The following DENND1B variants were observed in gnomAD, a reference collection of about 807,000 sequenced individuals.
DENND1B encodes DENN domain-containing protein 1B.
A neutral mutation model predicts 90.1 loss-of-function variants in DENND1B; 59 were observed. The observed-to-expected ratio is 0.65, with a 90% CI of 0.53 to 0.81. The LOEUF (loss-of-function observed/expected upper bound fraction) is 0.81. Ranked by LOEUF, DENND1B falls within the 40% of genes least tolerant of loss-of-function variation. The pLI, the probability that DENND1B is intolerant of heterozygous loss-of-function variation, is 0.00. For missense variants in DENND1B, 862 were observed against 912.6 expected, an observed-to-expected ratio of 0.94 and a Z score of 0.71; for synonymous variants, 337 against 324.6, an observed-to-expected ratio of 1.04 and a Z score of -0.41.
chr1:197,699,908 G>A (rs547391905), intron 3 of DENND1B, among the ~76,000 whole-genome samples: 6 of 152,176 alleles, frequency 3.9e-5, no homozygotes, highest in East Asian at 1.9e-4. Flanking sequence ...AACAAGGGAC[G>A]TGAAGGACCT....
chr1:197,570,069 A>G (rs1308362604), intron 15 of DENND1B, among the ~76,000 whole-genome samples: 2 of 152,078 alleles, frequency 1.3e-5, no homozygotes, highest in African/African-American at 4.8e-5. Flanking sequence ...ATCATGTTAT[A>G]TATCATAAAT....
intron 10 of DENND1B, among the ~76,000 whole-genome samples, chr1:197,631,585 G>C (rs1358777756): frequency 6.6e-6 from 1 of 151,740 alleles, no homozygotes; most frequent in Non-Finnish European, 1.5e-5. Flanking sequence ...CTTTCACCCA[G>C]AACAAAATAA....
rs1373393618 is a variant in DENND1B, at chr1:197,505,488, CTTCA to C, written c.*4968_*4971del. Reference sequence around the variant, plus strand: ...TAAAATAAAAGATTGAATAACTTTACTTCATTCAACTAAAATGTGGCTTGAAAAA... The same window carrying C: ...TAAAATAAAAGATTGAATAACTTTACTTCAACTAAAATGTGGCTTGAAAAA... On this transcript the variant is annotated 3_prime_UTR_variant, in exon 23 of 23. Coordinates refer to ENST00000620048, the MANE Select transcript of DENND1B (RefSeq NM_001195215.2). The C allele has an allele frequency of 6.6e-6, 1 of 151,222 alleles. No homozygotes were observed. Among genetic ancestry groups the C allele is most frequent in the African/African-American group, 2.4e-5 (1 of 41,242 alleles). 9.4% of individuals were successfully genotyped at this position (151,222 alleles called of 1,614,324 possible). A position where few individuals can be genotyped will look rare whatever the true frequency, so the allele number is the denominator to read the frequency against.
chr1:197,743,941 A>G (rs1290589140), intron 2 of DENND1B, among the ~76,000 whole-genome samples: 2 of 152,216 alleles, frequency 1.3e-5, no homozygotes, highest in African/African-American at 2.4e-5. Context: ...AGTAGATTCC[A>G]TCTTAAGAAA....
intron 13 of DENND1B, chr1:197,605,842 C>A (rs889595905): frequency 1.1e-4 from 16 of 151,018 alleles, no homozygotes; most frequent in Admixed American, 1.1e-3. Flanking sequence ...GTATTATGGG[C>A]ATAAATAATC....
chr1:197,739,358 G>T (rs1663002740), intron 2 of DENND1B, among the ~76,000 whole-genome samples: 1 of 152,070 alleles, frequency 6.6e-6, no homozygotes, highest in African/African-American at 2.4e-5. Flanking sequence ...AGTGCATATG[G>T]GACATATACG....
At chr1:197,577,245 A>T (rs886719917) in intron 15 of DENND1B, among the ~76,000 whole-genome samples, 1 of 152,110 alleles carries the variant, frequency 6.6e-6, no homozygotes, top group Non-Finnish European at 1.5e-5. Flanking sequence ...GAGATGATTG[A>T]CCTAAGGGTT....
rs1251476808 is a variant in DENND1B, at chr1:197,509,481, CAG to C, written c.*977_*978del. On this transcript the variant is annotated 3_prime_UTR_variant, in exon 23 of 23. Transcript: ENST00000620048. ...CCATAGTAACGTAAGATGTTAGTAA[CAG>C]GGGTAGATGGGAACTCTCTGTACTA... The C allele has an allele frequency of 2.6e-5, 4 of 151,824 alleles. No homozygotes were observed. Among genetic ancestry groups the C allele is most frequent in the East Asian group, 1.9e-4 (1 of 5,134 alleles). The allele number at this position is 151,824 out of a possible 1,614,324, so 9.4% of individuals were successfully genotyped here.
At chr1:197,674,422 C>T (rs1040395245) in intron 3 of DENND1B, among the ~76,000 whole-genome samples, 1 of 152,184 alleles carries the variant, frequency 6.6e-6, no homozygotes, top group African/African-American at 2.4e-5. Context: ...ACACCCTTCA[C>T]ATCCCCGCTG....
At chr1:197,778,221 G>A (rs1004478408), upstream of DENND1B, among the ~76,000 whole-genome samples, 1 of 152,048 alleles carries the variant, frequency 6.6e-6, no homozygotes, top group African/African-American at 2.4e-5. Context: ...AATAGTATTT[G>A]TCTGATGTTA....
At chr1:197,567,110 C>CTT (rs1490753661) in intron 15 of DENND1B, among the ~76,000 whole-genome samples, 2 of 151,834 alleles carry the variant, frequency 1.3e-5, no homozygotes, top group Non-Finnish European at 2.9e-5. Context: ...ACTGACAAAC[C>CTT]TTTAGCTGGT....
At chr1:197,615,239 G>T (rs943658589) in intron 11 of DENND1B, among the ~76,000 whole-genome samples, 5 of 151,220 alleles carry the variant, frequency 3.3e-5, no homozygotes, top group African/African-American at 1.2e-4. Flanking sequence ...TCACAGCTTG[G>T]CAAATATTAA....
rs746451861 is a variant in DENND1B, at chr1:197,607,050, C to T, written c.921+23G>A. 3.9e-6 allele frequency: 6 copies of T among 1,538,910 alleles called. No homozygotes were observed. In the Admixed American group the frequency reaches 1.0e-4, roughly 26 times the overall value. On this transcript the variant is annotated intron_variant, in intron 13 of 22. Transcript: ENST00000620048. ...TCCAGGAGAAAACATATATGTTCAC[C>T]ACTGAATAGCCTTCATACTTACCAC...
At chr1:197,620,362 C>T (rs999981157) in intron 10 of DENND1B, among the ~76,000 whole-genome samples, 3 of 151,248 alleles carry the variant, frequency 2.0e-5, no homozygotes, top group African/African-American at 7.3e-5. Context: ...GCTCTGCCAC[C>T]AACAAGCCAT....
chr1:197,647,223 A>C (rs1680800639), intron 7 of DENND1B, 109 bp from the exon 8 acceptor site: 2 of 551,142 alleles, frequency 3.6e-6, no homozygotes, highest in African/African-American at 4.0e-5. Flanking sequence ...TTAGCCACTA[A>C]AAAATACTTG....
chr1:197,736,872 T>C (rs936187991), intron 2 of DENND1B, among the ~76,000 whole-genome samples: 1 of 152,216 alleles, frequency 6.6e-6, no homozygotes, highest in African/African-American at 2.4e-5. Context: ...GCTTCCTTTT[T>C]ATTTGCGACT....
intron 2 of DENND1B, among the ~76,000 whole-genome samples, chr1:197,720,886 C>T (rs1661107418): frequency 6.6e-6 from 1 of 152,088 alleles, no homozygotes; most frequent in Admixed American, 6.5e-5. Context: ...CTTGATAAAA[C>T]ATATATAAGC....
At chr1:197,677,032 C>A (rs1173897614) in intron 3 of DENND1B, among the ~76,000 whole-genome samples, 1 of 152,050 alleles carries the variant, frequency 6.6e-6, no homozygotes, top group African/African-American at 2.4e-5. Context: ...ACGTTTACAT[C>A]TTGATCAAAG....
At chr1:197,690,833 T>G (rs1271554338) in intron 3 of DENND1B, among the ~76,000 whole-genome samples, 1 of 151,800 alleles carries the variant, frequency 6.6e-6, no homozygotes, top group Non-Finnish European at 1.5e-5. Context: ...AGTTCTTAAG[T>G]TGTTAGTCTT....
Sources: allele counts gnomAD v4.1 joint callset (sites outside exome capture counted in the v4.1 genomes callset), GRCh38; gene constraint gnomAD v4.1.1; transcripts MANE v1.5; gene names NCBI Gene and HGNC (gene_info 2026-07-23, HGNC 2026-07-21).